PHLPP2: variants seen among roughly 807,000 people sequenced by gnomAD.
PHLPP2 encodes the protein PH domain leucine-rich repeat-containing protein phosphatase 2.
A neutral mutation model predicts 124.9 loss-of-function variants in PHLPP2; 66 were observed. That is an observed-to-expected ratio of 0.53 (90% CI 0.43 to 0.65). The LOEUF is 0.65. PHLPP2 is among the 30% of genes least tolerant of loss of function. The pLI, the probability that PHLPP2 is intolerant of heterozygous loss-of-function variation, is 0.00. For missense variants in PHLPP2, 1,685 were observed against 1,600.4 expected (o/e 1.05, Z -0.90); for synonymous variants, 681 against 624.7 (o/e 1.09, Z -1.34).
intron 5 of PHLPP2, among the ~76,000 whole-genome samples, chr16:71,683,853 T>A (rs2145343921): frequency 6.6e-6 from 1 of 152,224 alleles, no homozygotes; most frequent in East Asian, 1.9e-4. Context: ...TGCAATGGAA[T>A]GATCTTGGCT....
At chr16:71,670,970 G>C (rs1185447146) in intron 10 of PHLPP2, among the ~76,000 whole-genome samples, 1 of 152,198 alleles carries the variant, frequency 6.6e-6, no homozygotes, top group Non-Finnish European at 1.5e-5. Context: ...CCAGCATGGA[G>C]GAGACTGGGG....
chr16:71,714,516 C>G lies in PHLPP2; in HGVS notation c.280G>C (p.Val94Leu), dbSNP rs2045344930. The part of the protein sequence containing the change: ...SLYLQLHGDL[V>L]RRLEPTERPL... ...GTGGTAAAACTGAGACCTCACCTGACCAGGTCTCCATGAAGCTGTAAATAA... is the reference window on the plus strand; with the variant it reads ...GTGGTAAAACTGAGACCTCACCTGAGCAGGTCTCCATGAAGCTGTAAATAA... Residue 94 changes from valine to leucine, a missense_variant, in exon 2 of 19, where the codon GTC becomes CTC. Val to Leu is a conservative substitution (Grantham distance 32). Transcript: ENST00000568954. 1.9e-6 allele frequency: 3 copies of G among 1,601,304 alleles called. No homozygotes were observed. Among genetic ancestry groups the G allele is most frequent in the Non-Finnish European group, 1.7e-6 (2 of 1,170,976 alleles).
intron 2 of PHLPP2, among the ~76,000 whole-genome samples, chr16:71,711,634 T>C (rs914268403): frequency 6.6e-6 from 1 of 152,162 alleles, no homozygotes; most frequent in Non-Finnish European, 1.5e-5. Context: ...CACAAGATGG[T>C]TGTGAGGATT....
chr16:71,708,099 T>G (rs578019790), intron 2 of PHLPP2, among the ~76,000 whole-genome samples: 2 of 152,162 alleles, frequency 1.3e-5, no homozygotes, highest in Non-Finnish European at 2.9e-5. Context: ...GAAGCAGCCC[T>G]GAGAAACATC....
chr16:71,711,282 G>T (rs1310465759), intron 2 of PHLPP2, among the ~76,000 whole-genome samples: 2 of 150,830 alleles, frequency 1.3e-5, no homozygotes, highest in Non-Finnish European at 2.9e-5. Context: ...AGTGAGCCGA[G>T]ATCGCACCAC....
chr16:71,664,084 A>G lies in PHLPP2; in HGVS notation c.1800T>C (p.Asn600=). Residue 600 remains asparagine, a synonymous_variant, in exon 13 of 19, where the codon AAT becomes AAC. Transcript: ENST00000568954. ...AAGACTCCAGACTATTTGCAGATGC[A>G]TTCAAGTATCTGAGACTGACAGAAC... ...FSKALNLRYL[N]ASANSLESLP... The G allele has an allele frequency of 6.2e-7, 1 of 1,610,700 alleles. No homozygotes were observed. The highest frequency in any genetic ancestry group is 8.5e-7 in the Non-Finnish European group (1 of 1,176,872).
chr16:71,687,657 T>C lies in PHLPP2; in HGVS notation c.609+2862A>G, dbSNP rs181144410. ...CTTTTCCTCCTCTAATTTTAGTGGC[T>C]ATTGTTAAATTTTCCTAATAAATTT... On this transcript the variant is annotated intron_variant, in intron 4 of 18. Transcript: ENST00000568954. Among the ~76,000 whole-genome samples, 357 of 152,320 alleles carry C rather than the reference T, an allele frequency of 2.3e-3. 1 individual carries two copies. Among genetic ancestry groups the C allele is most frequent in the African/African-American group, 7.3e-3 (304 of 41,584 alleles).
rs1567622975 is a variant in PHLPP2, at chr16:71,690,470, C to T, written c.609+49G>A. On this transcript the variant is annotated intron_variant, in intron 4 of 18. Transcript: ENST00000568954. ...TATGAAAAGCATTATGTGATATTTT[C>T]TTAATTAAGATGATCAAATGAAAAA... 9.6e-6 allele frequency: 12 copies of T among 1,254,570 alleles called. No individual in the cohort carries two copies. The South Asian group carries it at 1.5e-4, about 15-fold the overall frequency. 77.7% of individuals were successfully genotyped at this position (1,254,570 alleles called of 1,614,324 possible).
chr16:71,717,326 A>T (rs2045369921), intron 1 of PHLPP2, among the ~76,000 whole-genome samples: 1 of 152,236 alleles, frequency 6.6e-6, no homozygotes, highest in Admixed American at 6.5e-5. Context: ...GGAAAAAAGA[A>T]AAACAAGAGT....
In PHLPP2 at chr16:71,653,036, A is replaced by C. The variant is rs777337524; in HGVS notation, c.2586-15T>G. Reference sequence around the variant, plus strand: ...TTCCTAATTTCCTGTTCAGAAAGAAAAGGAAAAGAAGACGTGGTGGCTAGT... The same window carrying C: ...TTCCTAATTTCCTGTTCAGAAAGAACAGGAAAAGAAGACGTGGTGGCTAGT... On this transcript the variant is annotated splice_polypyrimidine_tract_variant and intron_variant, in intron 17 of 18. Coordinates refer to ENST00000568954, the MANE Select transcript of PHLPP2 (RefSeq NM_015020.3). 11 of 1,562,508 alleles carry C rather than the reference A, an allele frequency of 7.0e-6. No individual in the cohort carries two copies. The highest frequency in any genetic ancestry group is 9.7e-6 in the Non-Finnish European group (11 of 1,138,034).
chr16:71,707,176 C>T (rs555452024), intron 2 of PHLPP2, among the ~76,000 whole-genome samples: 1 of 151,730 alleles, frequency 6.6e-6, no homozygotes, highest in African/African-American at 2.4e-5. Context: ...AGGATGGTCT[C>T]GATCTCCTGA....
chr16:71,666,572 G>C (rs540891516), intron 12 of PHLPP2, among the ~76,000 whole-genome samples: 1 of 152,090 alleles, frequency 6.6e-6, no homozygotes, highest in Non-Finnish European at 1.5e-5. Context: ...CACAAAACTA[G>C]TTTTCACTTA....
chr16:71,715,832 A>C (rs1000705356), intron 1 of PHLPP2, among the ~76,000 whole-genome samples: 7 of 150,622 alleles, frequency 4.6e-5, no homozygotes, highest in East Asian at 1.9e-4. Flanking sequence ...ACAAAAAAAA[A>C]AAAAAAACAA....
At chr16:71,696,638 A>G (rs1051126724) in intron 3 of PHLPP2, among the ~76,000 whole-genome samples, 1 of 141,214 alleles carries the variant, frequency 7.1e-6, no homozygotes, top group African/African-American at 2.7e-5. Context: ...CCACAGTGAG[A>G]CTCCATCTCA....
At position 71,678,601 on chromosome 16, in the gene PHLPP2, C is replaced by CTGTA. The variant is rs1597000640; in HGVS notation, c.1268+150_1268+153dup. On this transcript the variant is annotated intron_variant, in intron 8 of 18. Coordinates refer to ENST00000568954, the MANE Select transcript of PHLPP2 (RefSeq NM_015020.3). ...ACTGCAGTGGGCCGAGATCGTGCCA[C>CTGTA]TGTATGCCAGCTTGGGTGACAAAGT... 2.3e-5 allele frequency: 14 copies of CTGTA among 607,066 alleles called. No individual in the cohort carries two copies. The East Asian group carries it at 3.9e-4, about 17-fold the overall frequency. The allele number at this position is 607,066 out of a possible 1,614,324, so 37.6% of individuals were successfully genotyped here.
intron 3 of PHLPP2, among the ~76,000 whole-genome samples, chr16:71,696,500 G>T (rs971364444): frequency 7.2e-5 from 11 of 152,084 alleles, no homozygotes; most frequent in African/African-American, 2.4e-4. Context: ...AGCCAGGCAT[G>T]GTGGTGGGTG....
chr16:71,654,875 G>C (rs1377283428), intron 17 of PHLPP2, among the ~76,000 whole-genome samples: 1 of 152,192 alleles, frequency 6.6e-6, no homozygotes, highest in African/African-American at 2.4e-5. Flanking sequence ...AATCTGATAA[G>C]TATTTGGTTA....
At chr16:71,669,647 G>T (rs2044873247) in intron 10 of PHLPP2, among the ~76,000 whole-genome samples, 1 of 152,222 alleles carries the variant, frequency 6.6e-6, no homozygotes. Flanking sequence ...CAATAGAAAA[G>T]CACACTTGTG....
intron 2 of PHLPP2, among the ~76,000 whole-genome samples, chr16:71,704,811 G>A (rs1203835377): frequency 1.3e-5 from 2 of 152,120 alleles, no homozygotes; most frequent in Non-Finnish European, 2.9e-5. Context: ...GCACAATGGT[G>A]GGATTCTTCT....
Sources: allele counts gnomAD v4.1 joint callset (sites outside exome capture counted in the v4.1 genomes callset), GRCh38; gene constraint gnomAD v4.1.1; transcripts MANE v1.5; gene names NCBI Gene and HGNC (gene_info 2026-07-23, HGNC 2026-07-21).